GATA2: variants seen among roughly 807,000 people sequenced by gnomAD.
The protein encoded by GATA2 is GATA binding protein 2.
A neutral mutation model predicts 35.7 loss-of-function variants in GATA2; 6 were observed. The observed-to-expected ratio is 0.17, with a 90% CI of 0.09 to 0.33. The LOEUF (loss-of-function observed/expected upper bound fraction) is 0.33, where lower values mean the gene tolerates loss of function less well. Among genes scored for constraint, GATA2 ranks in the 10% least tolerant of loss-of-function variants. The pLI is 1.00. For synonymous variants in GATA2, 313 were observed against 274.9 expected (o/e 1.14, Z -1.37); for missense variants, 541 against 656.6 (o/e 0.82, Z 1.92).
In GATA2 at chr3:128,493,180, GC is replaced by G. The variant is rs1220195779; in HGVS notation, c.-328del. ...CGACGCTGGCCTCGCTACCTTCCTG[GC>G]GCTCACGCTGCCTCTCTCTCCCCCA... is the stretch of plus-strand genomic sequence containing the variant. On this transcript the variant is annotated 5_prime_UTR_variant, in exon 1 of 6. Coordinates refer to ENST00000341105, the MANE Select transcript of GATA2 (RefSeq NM_032638.5). The G allele has an allele frequency of 2.6e-5, 4 of 152,210 alleles. No homozygotes were observed. The highest frequency in any genetic ancestry group is 9.6e-5 in the African/African-American group (4 of 41,544). 9.4% of individuals were successfully genotyped at this position (152,210 alleles called of 1,614,324 possible).
At chr3:128,482,667 C>A (rs1400776799) in intron 4 of GATA2, among the ~76,000 whole-genome samples, 1 of 151,830 alleles carries the variant, frequency 6.6e-6, no homozygotes, top group Non-Finnish European at 1.5e-5. Context: ...CATACCCCAA[C>A]CCTTAGAGCT....
rs2068689323 is a variant in GATA2, at chr3:128,485,903, C to T, written c.695G>A (p.Gly232Asp). The change falls in exon 3 of 6, where the codon GGC (glycine) becomes GAC (aspartate). Residue 232 changes from glycine to aspartate, a missense_variant. Coordinates refer to ENST00000341105, the MANE Select transcript of GATA2 (RefSeq NM_032638.5). Reference protein sequence around the residue: ...KMESGSPLRPGLATMGTQPAT... With the variant: ...KMESGSPLRPDLATMGTQPAT... ...AGGCTGGGTGCCCATAGTAGCTAGG[C>T]CTGGGCGCAGGGGACTGCCACTTTC... 4 of 1,614,104 alleles carry T rather than the reference C, an allele frequency of 2.5e-6. No individual in the cohort carries two copies. Among genetic ancestry groups the T allele is most frequent in the Non-Finnish European group, 3.4e-6 (4 of 1,179,976 alleles).
chr3:128,492,179 G>A (rs181227794), intron 1 of GATA2: 2 of 152,350 alleles, frequency 1.3e-5, no homozygotes, highest in East Asian at 3.9e-4. Flanking sequence ...GTCCCTGAAC[G>A]CGGGGCCTTT....
In GATA2 at chr3:128,484,791, C is replaced by T. The variant is rs552616579; in HGVS notation, c.872-786G>A. Among the ~76,000 whole-genome samples, 24 of 152,108 alleles carry T rather than the reference C, an allele frequency of 1.6e-4. 1 individual carries two copies. Among genetic ancestry groups the T allele is most frequent in the Admixed American group, 1.1e-3 (17 of 15,282 alleles). Reference sequence around the variant, plus strand: ...GGGGCTCAGCGGGTGCTGGGGCCAGCGGGGGCTGGGGCTGGGGACCAAGTT... The same window carrying T: ...GGGGCTCAGCGGGTGCTGGGGCCAGTGGGGGCTGGGGCTGGGGACCAAGTT... On this transcript the variant is annotated intron_variant, in intron 3 of 5. Coordinates refer to ENST00000341105, the MANE Select transcript of GATA2 (RefSeq NM_032638.5).
intron 3 of GATA2, among the ~76,000 whole-genome samples, chr3:128,484,367 C>G (rs558533105): frequency 2.0e-5 from 3 of 152,184 alleles, no homozygotes; most frequent in Non-Finnish European, 2.9e-5. Context: ...CCAGCTCAAC[C>G]TGGCTGGGCC....
chr3:128,491,441 C>T (rs938478320), intron 1 of GATA2, among the ~76,000 whole-genome samples: 2 of 152,354 alleles, frequency 1.3e-5, no homozygotes, highest in Admixed American at 1.3e-4. Flanking sequence ...CAGCCCCACA[C>T]TGGCAATAAA....
At position 128,485,742 on chromosome 3, in the gene GATA2, C is replaced by A. The variant is rs1443864030; in HGVS notation, c.856G>T (p.Ala286Ser). 3 of 1,613,852 alleles carry A rather than the reference C, an allele frequency of 1.9e-6. No homozygotes were observed. The highest frequency in any genetic ancestry group is 2.7e-5 in the African/African-American group (2 of 75,038). ...SSFTPKQRSK[A>S]RSCSEGRECV... ...CTGCCTTTACCTGAACAGGAACGAG[C>A]CTTGCTGCGCTGCTTAGGGGTGAAG... Residue 286 changes from alanine (A) to serine (S), a missense_variant, in exon 3 of 6, where the codon GCT (alanine) becomes TCT (serine). Around this residue, in one of 5 missense-constraint regions of GATA2, gnomAD observed 389 missense variants for 396.9 expected, o/e 0.98. Transcript: ENST00000341105.
chr3:128,492,137 T>C (rs1010942819), intron 1 of GATA2: 2 of 152,198 alleles, frequency 1.3e-5, no homozygotes, highest in Non-Finnish European at 2.9e-5. Context: ...CCTTCCTTGT[T>C]TTCCGGTAAA....
Position 128,480,756 on chromosome 3 carries a change from A to G in GATA2, c.*263T>C. 2.0e-6 allele frequency: 1 copy of G among 489,414 alleles called. No individual in the cohort carries two copies. Among genetic ancestry groups the G allele is most frequent in the Non-Finnish European group, 3.6e-6 (1 of 279,288 alleles). 30.3% of individuals were successfully genotyped at this position (489,414 alleles called of 1,614,324 possible). On this transcript the variant is annotated 3_prime_UTR_variant, in exon 6 of 6. Coordinates refer to ENST00000341105, the MANE Select transcript of GATA2 (RefSeq NM_032638.5). The stretch of plus-strand genomic sequence containing the variant: ...TCTGTCCCGTCCCCTCCTTTTCTCT[A>G]CATAAAGTTGTCCTTGTTGTTCTCC...
intron 4 of GATA2, among the ~76,000 whole-genome samples, chr3:128,482,689 G>A (rs12488487): frequency 0.21 from 30,884 of 149,922 alleles, 3,279 homozygotes; most frequent in Non-Finnish European, 0.23. Context: ...TAACCACCCC[G>A]CAGCCCCTCT....
intron 1 of GATA2, among the ~76,000 whole-genome samples, chr3:128,490,981 A>G (rs1024889003): frequency 3.3e-5 from 5 of 152,142 alleles, no homozygotes; most frequent in African/African-American, 1.2e-4. Flanking sequence ...TGGGAACAAG[A>G]TTTCTCTGAG....
rs945074805 is a variant in GATA2, at chr3:128,488,881, A to G, written c.-45-1805T>C. On this transcript the variant is annotated intron_variant, in intron 1 of 5. Transcript: ENST00000341105. The surrounding 1 kb of genome is among the most constrained non-coding windows in gnomAD (Gnocchi z 5.8). ...CCCATTGTACAGACTGGGGAGACGG[A>G]GGCTCGAAGGGAGCCCCGGGCCGAG... Among the ~76,000 whole-genome samples the G allele has an allele frequency of 2.0e-5, 3 of 151,930 alleles. No homozygotes were observed. Among genetic ancestry groups the G allele is most frequent in the Non-Finnish European group, 4.4e-5 (3 of 67,962 alleles).
Position 128,481,094 on chromosome 3 carries a change from C to T in GATA2, c.1368G>A (p.Pro456=), listed in dbSNP as rs569990126. Residue 456 remains proline, a synonymous_variant, in exon 6 of 6, where the codon CCG becomes CCA. Coordinates refer to ENST00000341105, the MANE Select transcript of GATA2 (RefSeq NM_032638.5). ...FSHSGHILPT[P]TPIHPSSSLS... is the part of the protein sequence containing the mutation. Reference sequence around the variant, plus strand: ...GGCTGGAGGAGGGGTGGATGGGCGTCGGAGTGGGCAGGATGTGTCCGGAGT... The same window carrying T: ...GGCTGGAGGAGGGGTGGATGGGCGTTGGAGTGGGCAGGATGTGTCCGGAGT... The T allele has an allele frequency of 2.4e-5, 38 of 1,611,020 alleles. No homozygotes were observed. Among genetic ancestry groups the T allele is most frequent in the East Asian group, 8.9e-5 (4 of 44,848 alleles).
At position 128,485,914 on chromosome 3, in the gene GATA2, G is replaced by T. The variant is rs913494641; in HGVS notation, c.684C>A (p.Pro228=). The T allele has an allele frequency of 6.2e-7, 1 of 1,613,998 alleles. No homozygotes were observed. Among genetic ancestry groups the T allele is most frequent in the African/African-American group, 1.3e-5 (1 of 74,904 alleles). Residue 228 remains proline, a synonymous_variant, in exon 3 of 6, where the codon CCC becomes CCA. Transcript: ENST00000341105. Reference sequence around the variant, plus strand: ...CCATAGTAGCTAGGCCTGGGCGCAGGGGACTGCCACTTTCCATCTTCATGC... The same window carrying T: ...CCATAGTAGCTAGGCCTGGGCGCAGTGGACTGCCACTTTCCATCTTCATGC... ...TESMKMESGS[P]LRPGLATMGT...
At chr3:128,481,507 C>T (rs1309922613) in intron 5 of GATA2, among the ~76,000 whole-genome samples, 189 bp from the exon 6 acceptor site, 1 of 152,218 alleles carries the variant, frequency 6.6e-6, no homozygotes, top group East Asian at 1.9e-4. Flanking sequence ...GCATATGGGG[C>T]TGACCCACAC....
At chr3:128,491,655 T>C (rs1045828155) in intron 1 of GATA2, among the ~76,000 whole-genome samples, 5 of 152,140 alleles carry the variant, frequency 3.3e-5, no homozygotes, top group African/African-American at 1.2e-4. Flanking sequence ...TCGGCATCAG[T>C]GCAGGCTCTC....
chr3:128,481,768 G>A (rs1440377103), intron 5 of GATA2, 51 bp downstream of exon 5: 2 of 1,589,924 alleles, frequency 1.3e-6, no homozygotes, highest in South Asian at 2.2e-5. Context: ...GCAGCACAAA[G>A]CGCAGAGGTC....
Position 128,488,090 on chromosome 3 carries a change from C to T in GATA2, c.-45-1014G>A, listed in dbSNP as rs910791781. Among the ~76,000 whole-genome samples the T allele has an allele frequency of 1.3e-5, 2 of 152,172 alleles. No individual in the cohort carries two copies. Among genetic ancestry groups the T allele is most frequent in the Non-Finnish European group, 2.9e-5 (2 of 68,016 alleles). Reference sequence around the variant, plus strand: ...GCCCCCCTCAGCCGGCGGGCCCCCTCCCTGCGCGCTCCTGGCGGCCCCTGC... The same window carrying T: ...GCCCCCCTCAGCCGGCGGGCCCCCTTCCTGCGCGCTCCTGGCGGCCCCTGC... On this transcript the variant is annotated intron_variant, in intron 1 of 5. Transcript: ENST00000341105. The surrounding 1 kb of genome is among the most constrained non-coding windows in gnomAD (Gnocchi z 5.8).
Position 128,480,933 on chromosome 3 carries a change from G to T in GATA2, c.*86C>A. On this transcript the variant is annotated 3_prime_UTR_variant, in exon 6 of 6. Coordinates refer to ENST00000341105, the MANE Select transcript of GATA2 (RefSeq NM_032638.5). ...TGGGCCGAGCCGGGCTGGCAGGAGT[G>T]GTGTCGGCCTTCGGGAAATGCTGGG... 1 of 1,395,950 alleles carries T rather than the reference G, an allele frequency of 7.2e-7. No homozygotes were observed. The highest frequency in any genetic ancestry group is 9.5e-7 in the Non-Finnish European group (1 of 1,047,566). The allele number at this position is 1,395,950 out of a possible 1,614,324, so 86.5% of individuals were successfully genotyped here.
Sources: gnomAD v4.1 joint callset for allele counts (sites outside exome capture counted in the v4.1 genomes callset) on GRCh38, gnomAD v4.1.1 for gene constraint, gnomAD v4.1.1 regional missense constraint, Gnocchi (gnomAD v3.1) non-coding constraint, MANE v1.5 for transcripts, NCBI Gene and HGNC (gene_info 2026-07-23, HGNC 2026-07-21) for gene names.